The following PPIL3 variants were observed in gnomAD, a reference collection of about 807,000 sequenced individuals.
PPIL3 encodes the protein peptidyl-prolyl cis-trans isomerase-like 3.
PPIL3 carries 13 observed loss-of-function variants against 20.9 expected under a neutral mutation model. That is an observed-to-expected ratio of 0.62 (90% CI 0.40 to 0.99). The LOEUF (loss-of-function observed/expected upper bound fraction) is 0.99, where lower values mean the gene tolerates loss of function less well. Among genes scored for constraint, PPIL3 ranks in the 50% least tolerant of loss-of-function variants. The probability of loss-of-function intolerance (pLI) is 0.00; values close to 1 mark genes in which losing one functional copy is unlikely to be tolerated. For synonymous variants in PPIL3, 71 were observed against 64.4 expected (o/e 1.10, Z -0.49); for missense variants, 170 against 195.2 (o/e 0.87, Z 0.77).
In PPIL3 at chr2:200,887,627, G is replaced by C. The variant is rs762455164; in HGVS notation, c.-12C>G. On this transcript the variant is annotated 5_prime_UTR_variant, in exon 2 of 7. Transcript: ENST00000392283. ...TCAAAACTTACCATTTTTCCTCTTA[G>C]TGGTTTCAGGAAGGACTACGTGATT... 1.2e-6 allele frequency: 2 copies of C among 1,602,078 alleles called. No homozygotes were observed. Among genetic ancestry groups the C allele is most frequent in the Admixed American group, 1.7e-5 (1 of 59,238 alleles).
At chr2:200,884,224 G>A (rs2039846681) in intron 3 of PPIL3, among the ~76,000 whole-genome samples, 1 of 152,006 alleles carries the variant, frequency 6.6e-6, no homozygotes, top group South Asian at 2.1e-4. Flanking sequence ...TCAACATGGT[G>A]AAACCCCATC....
At chr2:200,881,337 C>T (rs2039714075) in intron 5 of PPIL3, 84 bp downstream of exon 5, 1 of 1,015,410 alleles carries the variant, frequency 9.8e-7, no homozygotes, top group South Asian at 1.5e-5. Flanking sequence ...ATGATGTTAA[C>T]TTGTATCACT....
upstream of PPIL3, chr2:200,889,178 A>T (rs1372534584): frequency 7.7e-6 from 3 of 391,898 alleles, no homozygotes; most frequent in Non-Finnish European, 1.0e-5. Flanking sequence ...CCCAACCGGA[A>T]ATTTGACAGT....
chr2:200,881,305 A>T lies in PPIL3; in HGVS notation c.240+116T>A, dbSNP rs1351889541. On this transcript the variant is annotated intron_variant, in intron 5 of 6. Coordinates refer to ENST00000392283, the MANE Select transcript of PPIL3 (RefSeq NM_130906.3). ...CATTTGTCAAATGTACAAAAACTAT[A>T]AAAAAGTATGTTCATTTTGCAATGA... The T allele has an allele frequency of 1.6e-5, 12 of 755,410 alleles. No individual in the cohort carries two copies. The East Asian group carries it at 3.5e-4, about 22-fold the overall frequency. 46.8% of individuals were successfully genotyped at this position (755,410 alleles called of 1,614,324 possible).
intron 3 of PPIL3, chr2:200,885,432 T>G (rs996521734): frequency 5.2e-6 from 2 of 386,378 alleles, no homozygotes; most frequent in African/African-American, 2.1e-5. Flanking sequence ...AATGTCCTAA[T>G]GATTACGTTT....
At chr2:200,874,076 G>A (rs960190625) in intron 6 of PPIL3, among the ~76,000 whole-genome samples, 17 of 151,490 alleles carry the variant, frequency 1.1e-4, no homozygotes, top group African/African-American at 2.4e-4. Context: ...GCGGTGGCGG[G>A]CGCCTGTAGT....
intron 3 of PPIL3, 97 bp from the exon 4 acceptor site, chr2:200,882,532 T>A: frequency 1.3e-6 from 1 of 790,236 alleles, no homozygotes; most frequent in South Asian, 1.4e-5. Flanking sequence ...GCAGCATATT[T>A]AAACTATGAC....
chr2:200,873,683 C>T (rs767509692), intron 6 of PPIL3, among the ~76,000 whole-genome samples: 7 of 149,866 alleles, frequency 4.7e-5, no homozygotes, highest in African/African-American at 7.4e-5. Context: ...GAAAGAGTGG[C>T]TTTTGATCTC....
At chr2:200,885,911 A>G (rs1038939374) in intron 2 of PPIL3, 139 bp from the exon 3 acceptor site, 10 of 549,244 alleles carry the variant, frequency 1.8e-5, no homozygotes, top group African/African-American at 1.6e-4. Context: ...TGACCCATCC[A>G]CAAAGCAGCT....
At chr2:200,878,576 G>C (rs1199211009) in intron 5 of PPIL3, among the ~76,000 whole-genome samples, 1 of 151,848 alleles carries the variant, frequency 6.6e-6, no homozygotes, top group Non-Finnish European at 1.5e-5. Flanking sequence ...TTTTAGTAGA[G>C]ATGAGGGCTC....
At chr2:200,879,896 T>A (rs2039658954) in intron 5 of PPIL3, among the ~76,000 whole-genome samples, 1 of 152,214 alleles carries the variant, frequency 6.6e-6, no homozygotes. Context: ...AGCTGGTATA[T>A]GGAAGCAGTC....
At position 200,882,391 on chromosome 2, in the gene PPIL3, T is replaced by C; in HGVS notation, c.123A>G (p.Ile41Met). 3 of 1,608,498 alleles carry C rather than the reference T, an allele frequency of 1.9e-6. No homozygotes were observed. Among genetic ancestry groups the C allele is most frequent in the Non-Finnish European group, 2.6e-6 (3 of 1,174,876 alleles). The change falls in exon 4 of 7, where the codon ATA (isoleucine) becomes ATG (methionine). Residue 41 changes from isoleucine (I) to methionine (M), a missense_variant. Ile to Met is a conservative substitution (Grantham distance 10). Transcript: ENST00000392283. ...LCASNYYNGC[I>M]FHRNIKGFMV... ...TGAAACCCTTGATATTCCTATGAAA[T>C]ATACAGCCATTGTAGTAATTACTGG...
intron 3 of PPIL3, 35 bp from the exon 4 acceptor site, chr2:200,882,470 G>T: frequency 7.7e-7 from 1 of 1,294,020 alleles, no homozygotes; most frequent in Non-Finnish European, 1.1e-6. Flanking sequence ...AAATGATGCA[G>T]CAGAAACCCA....
At chr2:200,874,204 C>CA (rs767177492) in intron 6 of PPIL3, among the ~76,000 whole-genome samples, 4,548 of 65,168 alleles carry the variant, frequency 0.07, 283 homozygotes, top group African/African-American at 0.18. Context: ...GACTCTGTCT[C>CA]AAAAAAAAAA....
chr2:200,887,634 CAGGA>C lies in PPIL3; in HGVS notation c.-23_-20del, dbSNP rs1390640343. On this transcript the variant is annotated 5_prime_UTR_variant, in exon 2 of 7. Transcript: ENST00000392283. ...TTACCATTTTTCCTCTTAGTGGTTT[CAGGA>C]AGGACTACGTGATTTCTCAGTCTTA... 6.3e-7 allele frequency: 1 copy of C among 1,599,756 alleles called. No individual in the cohort carries two copies. The highest frequency in any genetic ancestry group is 1.7e-5 in the Admixed American group (1 of 59,006).
chr2:200,885,866 C>T, intron 2 of PPIL3, 94 bp from the exon 3 acceptor site: 1 of 735,068 alleles, frequency 1.4e-6, no homozygotes, highest in East Asian at 2.8e-5. Flanking sequence ...AGATGATAAT[C>T]TGAATAAAAA....
chr2:200,887,536 A>G, intron 2 of PPIL3, 77 bp downstream of exon 2: 1 of 1,133,138 alleles, frequency 8.8e-7, no homozygotes, highest in Non-Finnish European at 1.3e-6. Flanking sequence ...ATTTCCATGA[A>G]CTTTTATTGC....
chr2:200,880,846 T>C (rs74802208), intron 5 of PPIL3, among the ~76,000 whole-genome samples: 1 of 149,930 alleles, frequency 6.7e-6, no homozygotes, highest in African/African-American at 2.4e-5. Context: ...AAAAAAAAAA[T>C]GACTCCACAG....
At chr2:200,886,718 G>A (rs775815961) in intron 2 of PPIL3, among the ~76,000 whole-genome samples, 5 of 152,204 alleles carry the variant, frequency 3.3e-5, no homozygotes, top group South Asian at 2.1e-4. Flanking sequence ...GAGCCACCGC[G>A]CCTGGCCTAG....
Sources: allele counts gnomAD v4.1 joint callset (sites outside exome capture counted in the v4.1 genomes callset), GRCh38; gene constraint gnomAD v4.1.1; transcripts MANE v1.5; gene names NCBI Gene and HGNC (gene_info 2026-07-23, HGNC 2026-07-21).